NCOA2: variants seen among roughly 807,000 people sequenced by gnomAD.
The protein encoded by NCOA2 is nuclear receptor coactivator 2, also known as class E basic helix-loop-helix protein 75.
Under a neutral mutation model 145.1 loss-of-function variants are expected in NCOA2, and 21 were observed. The ratio of observed to expected loss-of-function variants is 0.14; its 90% CI spans 0.10 to 0.21. The LOEUF (loss-of-function observed/expected upper bound fraction) is 0.21, where lower values mean the gene tolerates loss of function less well. NCOA2 is among the 10% of genes least tolerant of loss of function. NCOA2 has a pLI of 1.00. For synonymous variants in NCOA2, 619 were observed against 637.5 expected (o/e 0.97, Z 0.44); for missense variants, 1,472 against 1,837.6 (o/e 0.80, Z 3.64).
At chr8:70,235,964 T>C (rs1471897602) in intron 2 of NCOA2, among the ~76,000 whole-genome samples, 5 of 152,222 alleles carry the variant, frequency 3.3e-5, no homozygotes, top group Non-Finnish European at 1.5e-5. Flanking sequence ...TTCCCACATC[T>C]TTCCAGCCTT....
chr8:70,124,897 A>G (rs1341078877), intron 19 of NCOA2, 32 bp from the exon 20 acceptor site: 1 of 1,548,340 alleles, frequency 6.5e-7, no homozygotes, highest in Admixed American at 2.1e-5. Flanking sequence ...AGAAATCCAA[A>G]AGAGACTGTT....
At chr8:70,158,246 C>T (rs1421310889) in intron 10 of NCOA2, among the ~76,000 whole-genome samples, 1 of 152,160 alleles carries the variant, frequency 6.6e-6, no homozygotes, top group African/African-American at 2.4e-5. Flanking sequence ...TAAAATGGAA[C>T]TCCTCAGCCA....
At chr8:70,242,523 G>A (rs1375740754) in intron 2 of NCOA2, among the ~76,000 whole-genome samples, 2 of 152,110 alleles carry the variant, frequency 1.3e-5, no homozygotes, top group Non-Finnish European at 2.9e-5. Context: ...AAGCACCTGT[G>A]AGAGAAATGG....
At position 70,245,937 on chromosome 8, in the gene NCOA2, A is replaced by C. The variant is rs16936848; in HGVS notation, c.-19-29173T>G. ...TTAATTCCCTGTATTAGTAAAACAC[A>C]TGTAAACATACTTTTTAACATCAAA... is the stretch of plus-strand genomic sequence containing the variant. On this transcript the variant is annotated intron_variant, in intron 2 of 22. Coordinates refer to ENST00000452400, the MANE Select transcript of NCOA2 (RefSeq NM_006540.4). Among the ~76,000 whole-genome samples the C allele has an allele frequency of 3.2e-3, 482 of 152,288 alleles. 1 individual carries two copies. The highest frequency in any genetic ancestry group is 0.027 in the Middle Eastern group (8 of 294).
rs149951690 is a variant in NCOA2, at chr8:70,161,817, G to A, written c.976+894C>T. Among the ~76,000 whole-genome samples, 4 of 152,208 alleles carry A rather than the reference G, an allele frequency of 2.6e-5. No homozygotes were observed. The East Asian group carries it at 5.8e-4, about 22-fold the overall frequency. On this transcript the variant is annotated intron_variant, in intron 9 of 22. Coordinates refer to ENST00000452400, the MANE Select transcript of NCOA2 (RefSeq NM_006540.4). ...AGTGCATGTGGAGCCCTGGCCAACC[G>A]CACTGCTGGGACACAGAGAGAAGGA...
the NCOA2 span, among the ~76,000 whole-genome samples, chr8:70,430,578 C>G: frequency 6.6e-5 from 10 of 152,302 alleles, no homozygotes; most frequent in African/African-American, 1.9e-4. Flanking sequence ...CCCTCTACCC[C>G]CTTTCTTTGG....
At chr8:70,349,937 A>G (rs1371884655) in intron 1 of NCOA2, among the ~76,000 whole-genome samples, 1 of 152,106 alleles carries the variant, frequency 6.6e-6, no homozygotes, top group African/African-American at 2.4e-5. Flanking sequence ...CAATTCCAGC[A>G]TGATGGAATT....
chr8:70,148,339 T>G lies in NCOA2; in HGVS notation c.2539A>C (p.Thr847Pro), dbSNP rs80054585. ...QAIINDLMQL[T>P]AENSPVTPVG... The stretch of plus-strand genomic sequence containing the variant: ...GGTGTGACAGGGCTGTTTTCAGCTG[T>G]GAGTTGCATGAGGTCATTGATGATG... Residue 847 changes from threonine (T) to proline (P), a missense_variant, in exon 12 of 23, where the codon ACA becomes CCA. Coordinates refer to ENST00000452400, the MANE Select transcript of NCOA2 (RefSeq NM_006540.4). 6.2e-7 allele frequency: 1 copy of G among 1,614,004 alleles called. No homozygotes were observed. Among genetic ancestry groups the G allele is most frequent in the African/African-American group, 1.3e-5 (1 of 75,044 alleles).
intron 1 of NCOA2, among the ~76,000 whole-genome samples, chr8:70,399,718 A>G: frequency 6.6e-6 from 1 of 152,402 alleles, no homozygotes; most frequent in East Asian, 1.9e-4. Flanking sequence ...ATAATGGCCA[A>G]AATATCAAAT....
intron 1 of NCOA2, among the ~76,000 whole-genome samples, chr8:70,346,403 T>C (rs963406270): frequency 6.6e-6 from 1 of 152,184 alleles, no homozygotes; most frequent in African/African-American, 2.4e-5. Flanking sequence ...AGCAAAGGGA[T>C]TCAGATTAAG....
chr8:70,437,500 A>C, the NCOA2 span, among the ~76,000 whole-genome samples: 11 of 152,242 alleles, frequency 7.2e-5, no homozygotes, highest in Non-Finnish European at 1.3e-4. Context: ...ACTGATAAAA[A>C]ATCTGGTTTG....
the NCOA2 span, among the ~76,000 whole-genome samples, chr8:70,439,365 C>T: frequency 3.9e-5 from 6 of 152,036 alleles, no homozygotes; most frequent in Admixed American, 3.9e-4. Context: ...CAGTACCTGG[C>T]CAGTGAGAAG....
At chr8:70,264,945 TACAC>T (rs1281274702) in intron 2 of NCOA2, among the ~76,000 whole-genome samples, 4 of 152,030 alleles carry the variant, frequency 2.6e-5, no homozygotes, top group African/African-American at 9.7e-5. Context: ...TATAAACAAA[TACAC>T]AAAGAGTAAA....
chr8:70,291,801 C>T (rs1203454806), intron 2 of NCOA2, among the ~76,000 whole-genome samples: 2 of 152,182 alleles, frequency 1.3e-5, no homozygotes, highest in African/African-American at 4.8e-5. Flanking sequence ...CAGATTAAGA[C>T]TTTGAATAAG....
intron 1 of NCOA2, among the ~76,000 whole-genome samples, chr8:70,398,635 G>A (rs1331170295): frequency 6.6e-6 from 1 of 152,272 alleles, no homozygotes; most frequent in Non-Finnish European, 1.5e-5. Context: ...AAGTAAAGAT[G>A]TTTTCTTTTT....
At chr8:70,405,443 T>TG (rs1265205449), upstream of NCOA2, among the ~76,000 whole-genome samples, 23 of 116,888 alleles carry the variant, frequency 2.0e-4, no homozygotes, top group Non-Finnish European at 3.4e-4. Flanking sequence ...AAAGGTTTTT[T>TG]TTTTTTTTTT....
chr8:70,185,211 A>C (rs1015153958), intron 4 of NCOA2, among the ~76,000 whole-genome samples: 4 of 152,164 alleles, frequency 2.6e-5, no homozygotes, highest in Non-Finnish European at 5.9e-5. Context: ...ACTACCGTCT[A>C]TTCCCAGTTC....
chr8:70,300,910 C>T (rs1827438982), intron 1 of NCOA2, among the ~76,000 whole-genome samples: 1 of 152,140 alleles, frequency 6.6e-6, no homozygotes. Context: ...TCATAACAAT[C>T]CTATGAGGGT....
At chr8:70,358,393 G>A (rs907391058) in intron 1 of NCOA2, among the ~76,000 whole-genome samples, 1 of 152,192 alleles carries the variant, frequency 6.6e-6, no homozygotes, top group African/African-American at 2.4e-5. Flanking sequence ...TCAAAACAGT[G>A]TGGTACCAGC....
Sources: allele counts gnomAD v4.1 joint callset (sites outside exome capture counted in the v4.1 genomes callset), GRCh38; gene constraint gnomAD v4.1.1; transcripts MANE v1.5; gene names NCBI Gene and HGNC (gene_info 2026-07-23, HGNC 2026-07-21).